The following PDE1B variants were observed in gnomAD, a reference collection of about 807,000 sequenced individuals.
PDE1B encodes dual specificity calcium/calmodulin-dependent 3',5'-cyclic nucleotide phosphodiesterase 1B.
A neutral mutation model predicts 66.7 loss-of-function variants in PDE1B; 13 were observed. The ratio of observed to expected loss-of-function variants is 0.19; its 90% CI spans 0.13 to 0.31. PDE1B has a LOEUF of 0.31. Among genes scored for constraint, PDE1B ranks in the 10% least tolerant of loss-of-function variants. The pLI, the probability that PDE1B is intolerant of heterozygous loss-of-function variation, is 1.00. For missense variants in PDE1B, 485 were observed against 682.3 expected (o/e 0.71, Z 3.22); for synonymous variants, 230 against 253.9 (o/e 0.91, Z 0.90).
At position 54,577,526 on chromosome 12, in the gene PDE1B, C is replaced by T. The variant is rs530577519; in HGVS notation, c.*17+181C>T. On this transcript the variant is annotated intron_variant, in intron 15 of 15. Transcript: ENST00000243052. ...TGGAGCAGGGAAATCCTCCCACGCT[C>T]TTCTGTCCCCCAGTCCCTGCAGGAA... 1.1e-4 allele frequency: 177 copies of T among 1,567,678 alleles called. 1 individual carries two copies. The South Asian group carries it at 2.0e-3, about 18-fold the overall frequency.
intron 3 of PDE1B, among the ~76,000 whole-genome samples, chr12:54,567,862 ATT>A (rs1180593660): frequency 2.0e-5 from 3 of 150,852 alleles, no homozygotes; most frequent in Admixed American, 6.6e-5. Context: ...ATATATATAT[ATT>A]TTTTTGTTTT....
rs884510 is a variant in PDE1B, at chr12:54,578,515, C to T, written c.*673C>T. On this transcript the variant is annotated 3_prime_UTR_variant, in exon 16 of 16. Transcript: ENST00000243052. ...ATCTTCCTTCCCTCCCTTTCTGATA[C>T]AGTGACTGGGGCAAAAGGAGCCATT... 0.63 allele frequency: 95,942 copies of T among 152,272 alleles called. 30,350 individuals carry two copies. The highest frequency in any genetic ancestry group is 0.66 in the Middle Eastern group (195 of 296). The allele number at this position is 152,272 out of a possible 1,614,324, so 9.4% of individuals were successfully genotyped here. A position where few individuals can be genotyped will look rare whatever the true frequency, so the allele number is the denominator to read the frequency against.
In PDE1B at chr12:54,575,984, C is replaced by T. The variant is rs774662531; in HGVS notation, c.1268-8C>T. On this transcript the variant is annotated splice_polypyrimidine_tract_variant and splice_region_variant and intron_variant, in intron 12 of 15. Transcript: ENST00000243052. This position sits in a 1 kb window ranked among gnomAD's most constrained non-coding sequence, Gnocchi z 4.0. Reference sequence around the variant, plus strand: ...AGACATCTCTACGGCATTGCTCCTCCACTGCAGGGTTCATCGACTTCATTG... The same window carrying T: ...AGACATCTCTACGGCATTGCTCCTCTACTGCAGGGTTCATCGACTTCATTG... The T allele has an allele frequency of 2.1e-5, 34 of 1,585,204 alleles. No individual in the cohort carries two copies. In the Admixed American group the frequency reaches 5.2e-4, roughly 24 times the overall value.
chr12:54,563,884 C>T (rs1279642557), intron 2 of PDE1B, among the ~76,000 whole-genome samples: 2 of 152,084 alleles, frequency 1.3e-5, no homozygotes, highest in South Asian at 2.1e-4. Context: ...CTGTGGCTCA[C>T]ACCTGTAATG....
Position 54,575,198 on chromosome 12 carries a change from A to G in PDE1B, c.1165A>G (p.Met389Val). The stretch of plus-strand genomic sequence containing the variant: ...CCACAGCCGTTGGACCAAGGCCCTC[A>G]TGGAGGAATTCTTCCGTCAGGTAGC... Reference protein sequence around the residue: ...LVHSRWTKALMEEFFRQGDKE... With the variant: ...LVHSRWTKALVEEFFRQGDKE... The change falls in exon 11 of 16, where the codon ATG (methionine) becomes GTG (valine). Residue 389 changes from methionine (M) to valine (V), a missense_variant. Around this residue, in one of 4 missense-constraint regions of PDE1B, gnomAD observed 282 missense variants for 453.4 expected, o/e 0.62. Transcript: ENST00000243052. The surrounding 1 kb of genome is among the most constrained non-coding windows in gnomAD (Gnocchi z 4.0). The G allele has an allele frequency of 1.2e-6, 2 of 1,613,376 alleles. No individual in the cohort carries two copies. The highest frequency in any genetic ancestry group is 1.7e-6 in the Non-Finnish European group (2 of 1,179,468).
At chr12:54,571,961 G>A (rs1241050210) in intron 6 of PDE1B, 1 of 152,564 alleles carries the variant, frequency 6.6e-6, no homozygotes, top group African/African-American at 2.4e-5. Context: ...CTGTCCTCTG[G>A]GAGCCTTGAG....
chr12:54,573,870 A>AGAGTGTGTGT lies in PDE1B; in HGVS notation c.1064+162_1064+163insAGTGTGTGTG, dbSNP rs774810310. ...GCATCTCTATGTGAGAGAGAGAGAG[A>AGAGTGTGTGT]GTGTGTGTGTGTGTGTGTGTGTGTG... is the stretch of plus-strand genomic sequence containing the variant. On this transcript the variant is annotated intron_variant, in intron 10 of 15. Coordinates refer to ENST00000243052, the MANE Select transcript of PDE1B (RefSeq NM_000924.4). This position sits in a 1 kb window ranked among gnomAD's most constrained non-coding sequence, Gnocchi z 5.2. 5.4e-3 allele frequency: 2,711 copies of AGAGTGTGTGT among 501,000 alleles called. 11 individuals are homozygous for AGAGTGTGTGT. The highest frequency in any genetic ancestry group is 6.4e-3 in the Non-Finnish European group (1,790 of 281,722). 31.0% of individuals were successfully genotyped at this position (501,000 alleles called of 1,614,324 possible).
intron 2 of PDE1B, chr12:54,561,566 G>A (rs1353748436): frequency 6.6e-7 from 1 of 1,517,272 alleles, no homozygotes; most frequent in Non-Finnish European, 8.8e-7. Context: ...ATACTCTGAA[G>A]CAGGAAACTT....
intron 2 of PDE1B, among the ~76,000 whole-genome samples, chr12:54,560,597 G>A (rs2121061705): frequency 6.6e-6 from 1 of 152,310 alleles, no homozygotes; most frequent in East Asian, 1.9e-4. Flanking sequence ...TCAGGAGGCG[G>A]GCTGGGACTG....
rs1433169626 is a variant in PDE1B at position 54,577,340 on chromosome 12, G to A, written c.*12G>A. On this transcript the variant is annotated 3_prime_UTR_variant, in exon 15 of 16. Coordinates refer to ENST00000243052, the MANE Select transcript of PDE1B (RefSeq NM_000924.4). ...GGAATCTGGATTAGCCCTGGGGCTG[G>A]CCCAGGTGAGCCTGTTGTGGTGGAG... 52 of 1,613,544 alleles carry A rather than the reference G, an allele frequency of 3.2e-5. No individual in the cohort carries two copies. Among genetic ancestry groups the A allele is most frequent in the Non-Finnish European group, 4.4e-5 (52 of 1,179,818 alleles).
chr12:54,570,395 C>G lies in PDE1B; in HGVS notation c.594+38C>G, dbSNP rs757314716. On this transcript the variant is annotated intron_variant, in intron 6 of 15. Coordinates refer to ENST00000243052, the MANE Select transcript of PDE1B (RefSeq NM_000924.4). The stretch of plus-strand genomic sequence containing the variant: ...CCTACCTCTACCTCCAGGCAGGATT[C>G]TCCACTCCTCTCATGCCTGTTCTAA... 7 of 1,092,876 alleles carry G rather than the reference C, an allele frequency of 6.4e-6. No individual in the cohort carries two copies. In the South Asian group the frequency reaches 7.4e-5, roughly 12 times the overall value. The allele number at this position is 1,092,876 out of a possible 1,614,324, so 67.7% of individuals were successfully genotyped here.
At chr12:54,558,693 C>G (rs920939782) in intron 2 of PDE1B, among the ~76,000 whole-genome samples, 1 of 152,184 alleles carries the variant, frequency 6.6e-6, no homozygotes, top group African/African-American at 2.4e-5. Context: ...CCTAAACGTC[C>G]AGAGTGGTGG....
chr12:54,557,599 C>A (rs573830559), intron 2 of PDE1B, among the ~76,000 whole-genome samples: 1 of 152,298 alleles, frequency 6.6e-6, no homozygotes, highest in African/African-American at 2.4e-5. Context: ...TGGGACCAGA[C>A]CCAAATCCTG....
Position 54,573,572 on chromosome 12 carries a change from AG to A in PDE1B, c.963-32del. On this transcript the variant is annotated intron_variant, in intron 9 of 15. Transcript: ENST00000243052. The surrounding 1 kb of genome is among the most constrained non-coding windows in gnomAD (Gnocchi z 5.2). The stretch of plus-strand genomic sequence containing the variant: ...CTGGACCTCCTGCCCAGCAGCGCTG[AG>A]GGGACTGATTGCTTCTCTTTTTATG... 1 of 1,610,832 alleles carries A rather than the reference AG, an allele frequency of 6.2e-7. No individual in the cohort carries two copies. The highest frequency in any genetic ancestry group is 8.5e-7 in the Non-Finnish European group (1 of 1,177,010).
At chr12:54,557,828 A>G (rs3782405) in intron 2 of PDE1B, among the ~76,000 whole-genome samples, 91,637 of 151,786 alleles carry the variant, frequency 0.6, 28,282 homozygotes, top group Non-Finnish European at 0.68. Context: ...AGGGAGGGAG[A>G]AGAGGGGTGG....
chr12:54,570,294 C>A lies in PDE1B; in HGVS notation c.531C>A (p.Asp177Glu). The change falls in exon 6 of 16, where the codon GAC becomes GAA. Residue 177 changes from aspartate (D) to glutamate (E), a missense_variant. By Grantham distance (45) the Asp-to-Glu change is conservative. This residue lies in a region of PDE1B where 282 missense variants were observed against 453.4 expected (regional missense o/e 0.62). Coordinates refer to ENST00000243052, the MANE Select transcript of PDE1B (RefSeq NM_000924.4). ...TTTCCTTGAACCAGGCAGCAGATGA[C>A]CATGCCCTGAGGACCATTGTTTTTG... ...DVFSLNQAAD[D>E]HALRTIVFEL... 1.9e-6 allele frequency: 3 copies of A among 1,613,800 alleles called. No homozygotes were observed. Among genetic ancestry groups the A allele is most frequent in the Non-Finnish European group, 2.5e-6 (3 of 1,179,734 alleles).
chr12:54,577,596 C>T lies in PDE1B; in HGVS notation c.*17+251C>T, dbSNP rs1957784735. 2 of 1,489,564 alleles carry T rather than the reference C, an allele frequency of 1.3e-6. 1 individual carries two copies. Among genetic ancestry groups the T allele is most frequent in the South Asian group, 2.8e-5 (2 of 72,650 alleles). The allele number at this position is 1,489,564 out of a possible 1,614,324, so 92.3% of individuals were successfully genotyped here. ...GAACAGCAGCAGAACAGGGTGGGCC[C>T]ATGCCAGGTGACAGCTAACCTGCAC... is the stretch of plus-strand genomic sequence containing the variant. On this transcript the variant is annotated intron_variant, in intron 15 of 15. Coordinates refer to ENST00000243052, the MANE Select transcript of PDE1B (RefSeq NM_000924.4).
intron 2 of PDE1B, among the ~76,000 whole-genome samples, chr12:54,564,268 G>A (rs550969482): frequency 6.6e-6 from 1 of 150,928 alleles, no homozygotes; most frequent in African/African-American, 2.4e-5. Context: ...CCCACTCAAA[G>A]TCCTCACCTC....
intron 2 of PDE1B, among the ~76,000 whole-genome samples, chr12:54,557,844 T>C (rs1957361644): frequency 6.6e-6 from 1 of 151,910 alleles, no homozygotes; most frequent in East Asian, 1.9e-4. Flanking sequence ...GGTGGAGAAA[T>C]GAACCAGAGA....
Sources: gnomAD v4.1 joint callset for allele counts (sites outside exome capture counted in the v4.1 genomes callset) on GRCh38, gnomAD v4.1.1 for gene constraint, gnomAD v4.1.1 regional missense constraint, Gnocchi (gnomAD v3.1) non-coding constraint, MANE v1.5 for transcripts, NCBI Gene and HGNC (gene_info 2026-07-23, HGNC 2026-07-21) for gene names.